EFCAB5: variants seen among roughly 807,000 people sequenced by gnomAD.
EFCAB5 encodes the protein EF-hand calcium-binding domain-containing protein 5.
In EFCAB5, 131 loss-of-function variants were observed where a neutral mutation model predicts 167.9. The observed-to-expected ratio is 0.78, with a 90% confidence interval of 0.68 to 0.90. EFCAB5 has a LOEUF of 0.90. EFCAB5 is among the 40% of genes least tolerant of loss of function. EFCAB5 has a pLI of 0.00. For synonymous variants in EFCAB5, 574 were observed against 602.8 expected, an observed-to-expected ratio of 0.95 and a Z score of 0.70; for missense variants, 1,663 against 1,745.2, an observed-to-expected ratio of 0.95 and a Z score of 0.84.
At chr17:30,099,008 T>A (rs1438291353) in intron 22 of EFCAB5, among the ~76,000 whole-genome samples, 1 of 152,220 alleles carries the variant, frequency 6.6e-6, no homozygotes, top group Non-Finnish European at 1.5e-5. Context: ...TGTGGCTGAA[T>A]AATATTCTAT....
At chr17:29,985,569 A>G (rs1002479264) in intron 4 of EFCAB5, among the ~76,000 whole-genome samples, 16 of 152,196 alleles carry the variant, frequency 1.1e-4, no homozygotes, top group Non-Finnish European at 1.9e-4. Flanking sequence ...AGTGATAAGC[A>G]TTGTTTCTAT....
At chr17:30,063,513 CCTCCTGGG>C (rs1170380131) in intron 14 of EFCAB5, among the ~76,000 whole-genome samples, 1 of 152,198 alleles carries the variant, frequency 6.6e-6, no homozygotes, top group Admixed American at 6.5e-5. Flanking sequence ...TACAGCCCAG[CCTCCTGGG>C]CTCAAGCTGC....
chr17:30,067,231 G>A (rs764573973), intron 14 of EFCAB5, among the ~76,000 whole-genome samples: 40 of 152,094 alleles, frequency 2.6e-4, no homozygotes, highest in Middle Eastern at 3.4e-3. Flanking sequence ...ATTATAAGCC[G>A]GTATCCCTAA....
rs1451751141 is a variant in EFCAB5 at position 30,057,769 on chromosome 17, T to G, written c.2459T>G (p.Val820Gly). ...GTTTCATTCAATCTGCTCCAGTTTG[T>G]GCAACTCCTGGAGACATTTGTTGGT... is the stretch of plus-strand genomic sequence containing the variant. Reference protein sequence around the residue: ...NGVSFNLLQFVQLLETFVGED... With the variant: ...NGVSFNLLQFGQLLETFVGED... The change falls in exon 13 of 23, where the codon GTG becomes GGG. Residue 820 changes from valine (V) to glycine (G), a missense_variant. Physicochemically the swap from Val to Gly is moderately radical, Grantham distance 109 (BLOSUM62 -3). Coordinates refer to ENST00000394835, the MANE Select transcript of EFCAB5 (RefSeq NM_198529.4). 4.3e-6 allele frequency: 7 copies of G among 1,613,754 alleles called. No homozygotes were observed. Among genetic ancestry groups the G allele is most frequent in the Admixed American group, 3.3e-5 (2 of 60,000 alleles).
chr17:29,993,353 G>A, intron 5 of EFCAB5, 32 bp downstream of exon 5: 1 of 1,592,640 alleles, frequency 6.3e-7, no homozygotes, highest in Non-Finnish European at 8.6e-7. Flanking sequence ...GTGAAAGGTA[G>A]GTGGGGTAAG....
chr17:30,039,906 A>C (rs912978296), intron 8 of EFCAB5, among the ~76,000 whole-genome samples: 6 of 152,184 alleles, frequency 3.9e-5, no homozygotes, highest in African/African-American at 1.4e-4. Context: ...GCCACACCTC[A>C]CCTCATGCCA....
chr17:30,027,473 GC>G (rs2069361735), intron 7 of EFCAB5, among the ~76,000 whole-genome samples: 1 of 151,936 alleles, frequency 6.6e-6, no homozygotes, highest in Admixed American at 6.6e-5. Flanking sequence ...GAAAGATGCT[GC>G]AGACACAGCT....
At chr17:29,986,773 G>T (rs1443129662) in intron 4 of EFCAB5, among the ~76,000 whole-genome samples, 1 of 142,210 alleles carries the variant, frequency 7.0e-6, no homozygotes, top group Admixed American at 7.6e-5. Flanking sequence ...TCAGCCTCCC[G>T]AGCAGCTGGG....
chr17:30,003,357 T>C (rs1406741249), intron 7 of EFCAB5, among the ~76,000 whole-genome samples: 1 of 152,102 alleles, frequency 6.6e-6, no homozygotes, highest in Non-Finnish European at 1.5e-5. Flanking sequence ...CACTTTAGCC[T>C]CTCAAGTAGC....
chr17:30,022,814 A>T (rs2069213994), intron 7 of EFCAB5, among the ~76,000 whole-genome samples: 2 of 152,222 alleles, frequency 1.3e-5, no homozygotes. Flanking sequence ...AAAGAACAGA[A>T]ATTATAACAA....
chr17:30,006,454 T>C (rs971397457), intron 7 of EFCAB5, among the ~76,000 whole-genome samples: 3 of 152,196 alleles, frequency 2.0e-5, no homozygotes, highest in Non-Finnish European at 4.4e-5. Flanking sequence ...ATTGTTTTGA[T>C]AAGTAATAGA....
chr17:30,041,210 A>AGAAGGAAGGAAGGAAGGAAGGAAGGAAG (rs61335450), intron 8 of EFCAB5, among the ~76,000 whole-genome samples: 338 of 149,974 alleles, frequency 2.3e-3, no homozygotes, highest in African/African-American at 7.8e-3. Context: ...AAGAAAGGAA[A>AGAAGGAAGGAAGGAAGGAAGGAAGGAAG]GAAGGAAGGA....
At position 29,943,768 on chromosome 17, in the gene EFCAB5, G is replaced by A. The variant is rs142828558; in HGVS notation, c.190+119G>A. The A allele has an allele frequency of 1.8e-4, 129 of 704,452 alleles. 1 individual carries two copies. In the East Asian group the frequency reaches 5.1e-3, roughly 28 times the overall value. The allele number at this position is 704,452 out of a possible 1,614,324, so 43.6% of individuals were successfully genotyped here. ...GCGGGTGGATCATCAGAGGTCAGGA[G>A]TTCGAAACCAGCCTGGCCAACATGG... On this transcript the variant is annotated intron_variant, in intron 3 of 22. Transcript: ENST00000394835.
At chr17:29,962,611 G>T (rs1399283476) in intron 3 of EFCAB5, among the ~76,000 whole-genome samples, 5 of 149,174 alleles carry the variant, frequency 3.4e-5, no homozygotes, top group Non-Finnish European at 7.4e-5. Context: ...TGGGACTACG[G>T]GTACGTGCCA....
At chr17:29,940,774 T>G (rs1351578695), upstream of EFCAB5, among the ~76,000 whole-genome samples, 1 of 152,188 alleles carries the variant, frequency 6.6e-6, no homozygotes, top group Non-Finnish European at 1.5e-5. Context: ...GTGCGGTGCC[T>G]CACACCTGTA....
At chr17:30,063,708 C>A (rs1445092034) in intron 14 of EFCAB5, among the ~76,000 whole-genome samples, 2 of 152,234 alleles carry the variant, frequency 1.3e-5, no homozygotes, top group East Asian at 3.8e-4. Flanking sequence ...CCCAGTGCCA[C>A]TGCAGCTGCT....
At chr17:30,086,670 A>ATGAGGTGAGGAGTTCAAGACCTCACC (rs2071094856) in intron 18 of EFCAB5, among the ~76,000 whole-genome samples, 1 of 152,196 alleles carries the variant, frequency 6.6e-6, no homozygotes, top group Non-Finnish European at 1.5e-5. Context: ...AGGCAGGTGG[A>ATGAGGTGAGGAGTTCAAGACCTCACC]TCACATGAGG....
chr17:30,010,753 G>T (rs974562238), intron 7 of EFCAB5, among the ~76,000 whole-genome samples: 1 of 152,134 alleles, frequency 6.6e-6, no homozygotes, highest in Non-Finnish European at 1.5e-5. Flanking sequence ...CGTTCTGTAG[G>T]TTACCTGTTC....
At chr17:29,932,324 T>C (rs963182555) in intron 1 of EFCAB5, among the ~76,000 whole-genome samples, 1 of 147,928 alleles carries the variant, frequency 6.8e-6, no homozygotes, top group South Asian at 2.2e-4. Flanking sequence ...CTAGTTTTTA[T>C]ATTTTTAGTA....
Sources: allele counts gnomAD v4.1 joint callset (sites outside exome capture counted in the v4.1 genomes callset), GRCh38; gene constraint gnomAD v4.1.1; transcripts MANE v1.5; gene names NCBI Gene and HGNC (gene_info 2026-07-23, HGNC 2026-07-21).